Variants in HDX observed in about 807,000 individuals in gnomAD.
HDX encodes the protein highly divergent homeobox, also known as chromosome X open reading frame 43.
A neutral mutation model predicts 45.2 loss-of-function variants in HDX; 19 were observed. That is an observed-to-expected ratio of 0.42 (90% CI 0.29 to 0.62). The LOEUF is 0.62. Ranked by LOEUF, HDX falls within the 20% of genes least tolerant of loss-of-function variation. The pLI is 0.20. For missense variants in HDX, 532 were observed against 493.9 expected, an observed-to-expected ratio of 1.08 and a Z score of -0.73; for synonymous variants, 188 against 172.8, an observed-to-expected ratio of 1.09 and a Z score of -0.69.
chrX:84,357,927 T>C (rs1447095453), intron 6 of HDX, among the ~76,000 whole-genome samples: 1 of 111,930 alleles, frequency 8.9e-6, no homozygotes, highest in Non-Finnish European at 1.9e-5. Context: ...TTGCCCCTTA[T>C]TCTTCTCCCT....
At chrX:84,323,668 AAC>A (rs1174974711) in intron 10 of HDX, among the ~76,000 whole-genome samples, 2 of 111,880 alleles carry the variant, frequency 1.8e-5, no homozygotes, top group Non-Finnish European at 3.8e-5. Context: ...CATAGGGCAC[AAC>A]TAATACATGT....
chrX:84,388,504 C>A (rs1291817348), intron 5 of HDX, among the ~76,000 whole-genome samples: 1 of 111,366 alleles, frequency 9.0e-6, no homozygotes, highest in Non-Finnish European at 1.9e-5. Flanking sequence ...TTTCTTAATT[C>A]TTTTTCTCTT....
chrX:84,455,611 A>G (rs1289542086), intron 4 of HDX, among the ~76,000 whole-genome samples: 1 of 111,853 alleles, frequency 8.9e-6, no homozygotes, highest in African/African-American at 3.3e-5. Context: ...AATCTAAAAG[A>G]TTTTGGCCTC....
chrX:84,377,307 G>A (rs1432768072), intron 5 of HDX, among the ~76,000 whole-genome samples: 1 of 111,499 alleles, frequency 9.0e-6, no homozygotes, highest in Non-Finnish European at 1.9e-5. Context: ...AGTGAAGACT[G>A]TAATAAATAC....
rs748212482 is a variant in HDX at position 84,474,676 on chromosome X, C to T, written c.147+575G>A. ...TTATCTCTTGCCTCCTCTCAATCACCTTCTCGTTACCTTTCAAGAATGTAG... is the reference window on the plus strand; with the variant it reads ...TTATCTCTTGCCTCCTCTCAATCACTTTCTCGTTACCTTTCAAGAATGTAG... On this transcript the variant is annotated intron_variant, in intron 3 of 10. Coordinates refer to ENST00000373177, the MANE Select transcript of HDX (RefSeq NM_001177479.2). Among the ~76,000 whole-genome samples the T allele has an allele frequency of 8.0e-5, 9 of 112,199 alleles. No homozygotes were observed. In the South Asian group the frequency reaches 3.3e-3, roughly 41 times the overall value.
intron 5 of HDX, among the ~76,000 whole-genome samples, chrX:84,424,274 A>G (rs759288901): frequency 1.4e-4 from 16 of 111,392 alleles, no homozygotes; most frequent in Non-Finnish European, 2.6e-4. Context: ...ACATCTTTAC[A>G]ATAATGACAA....
chrX:84,432,394 T>C (rs1330966236), intron 5 of HDX, among the ~76,000 whole-genome samples: 1 of 112,278 alleles, frequency 8.9e-6, no homozygotes, highest in Non-Finnish European at 1.9e-5. Flanking sequence ...TTGATCAGAA[T>C]AGCATTGAAT....
At chrX:84,329,035 T>C (rs1244870345) in intron 9 of HDX, among the ~76,000 whole-genome samples, 2 of 112,262 alleles carry the variant, frequency 1.8e-5, no homozygotes, top group African/African-American at 3.2e-5. Flanking sequence ...GTAAATTGCA[T>C]GAAAGAGTTA....
intron 5 of HDX, among the ~76,000 whole-genome samples, chrX:84,438,095 C>G (rs1322039239): frequency 1.8e-5 from 2 of 111,116 alleles, no homozygotes; most frequent in Admixed American, 9.6e-5. Context: ...TCTTGTATTG[C>G]TAAGGTGGGA....
chrX:84,438,498 A>G (rs2039688418), intron 5 of HDX, among the ~76,000 whole-genome samples: 1 of 109,951 alleles, frequency 9.1e-6, no homozygotes, highest in African/African-American at 3.3e-5. Context: ...CATCCAGACC[A>G]TAAGTATAGT....
intron 5 of HDX, among the ~76,000 whole-genome samples, chrX:84,438,463 G>T (rs2039687617): frequency 9.1e-6 from 1 of 109,876 alleles, no homozygotes; most frequent in Non-Finnish European, 1.9e-5. Flanking sequence ...GCATAACAGT[G>T]AGGCTTCAGG....
intron 7 of HDX, among the ~76,000 whole-genome samples, chrX:84,338,446 C>A (rs2037014553): frequency 9.1e-6 from 1 of 110,202 alleles, no homozygotes; most frequent in Non-Finnish European, 1.9e-5. Context: ...ACATAGTTAT[C>A]CATCCCCACC....
intron 5 of HDX, among the ~76,000 whole-genome samples, chrX:84,424,747 C>T (rs1251737837): frequency 9.0e-6 from 1 of 110,801 alleles, no homozygotes; most frequent in African/African-American, 3.3e-5. Context: ...CTGGGAAAAC[C>T]GGATATGCAT....
chrX:84,425,926 A>C (rs773961106), intron 5 of HDX, among the ~76,000 whole-genome samples: 2 of 110,197 alleles, frequency 1.8e-5, no homozygotes, highest in Admixed American at 1.9e-4. Context: ...GTCAATAATA[A>C]ATTAATGGTA....
At chrX:84,418,433 A>G (rs1569329971) in intron 5 of HDX, among the ~76,000 whole-genome samples, 1 of 111,838 alleles carries the variant, frequency 8.9e-6, no homozygotes, top group African/African-American at 3.2e-5. Flanking sequence ...AAATTCTGAA[A>G]CTGTGGTATG....
intron 7 of HDX, among the ~76,000 whole-genome samples, chrX:84,343,763 A>G (rs1250539787): frequency 1.8e-5 from 2 of 111,601 alleles, no homozygotes; most frequent in Non-Finnish European, 3.8e-5. Context: ...ATTAAGAGAT[A>G]TCATAAAGAT....
chrX:84,396,960 A>T (rs187441664), intron 5 of HDX, among the ~76,000 whole-genome samples: 1,601 of 111,766 alleles, frequency 0.014, 8 homozygotes, highest in Non-Finnish European at 0.023. Flanking sequence ...TGCTAAAGAG[A>T]GGCAGCAGCT....
rs752304922 is a variant in HDX, at chrX:84,498,071, C to T, written c.-110+4271G>A. Among the ~76,000 whole-genome samples, 129 of 111,292 alleles carry T rather than the reference C, an allele frequency of 1.2e-3. 2 individuals are homozygous for T. The highest frequency in any genetic ancestry group is 3.8e-4 in the Non-Finnish European group (20 of 52,957). On this transcript the variant is annotated intron_variant, in intron 1 of 10. Transcript: ENST00000373177. ...ATTTTGCCACCCTGACAATAATAGC[C>T]TCAAAGATTCTAAGGATCAACCCAA...
At chrX:84,459,171 G>A (rs1336950505) in intron 4 of HDX, among the ~76,000 whole-genome samples, 1 of 111,600 alleles carries the variant, frequency 9.0e-6, no homozygotes, top group African/African-American at 3.3e-5. Flanking sequence ...GGCTGGGCGT[G>A]GTGGCTCATG....
Sources: gnomAD v4.1 joint callset for allele counts (sites outside exome capture counted in the v4.1 genomes callset) on GRCh38, gnomAD v4.1.1 for gene constraint, MANE v1.5 for transcripts, NCBI Gene and HGNC (gene_info 2026-07-23, HGNC 2026-07-21) for gene names.